Variants in COX7B2 observed in about 807,000 individuals in gnomAD.
The protein encoded by COX7B2 is cytochrome c oxidase subunit 7B2, mitochondrial.
For synonymous variants in COX7B2, 37 were observed against 32.1 expected, an observed-to-expected ratio of 1.15 and a Z score of -0.51; for missense variants, 109 against 95.9, an observed-to-expected ratio of 1.14 and a Z score of -0.57.
At chr4:46,768,304 G>A (rs1338068187) in intron 2 of COX7B2, among the ~76,000 whole-genome samples, 1 of 152,150 alleles carries the variant, frequency 6.6e-6, no homozygotes, top group Non-Finnish European at 1.5e-5. Context: ...GTCTTCCCCT[G>A]GAGTTCAGCC....
intron 2 of COX7B2, among the ~76,000 whole-genome samples, chr4:46,758,330 G>C (rs1462770724): frequency 6.6e-6 from 1 of 152,066 alleles, no homozygotes; most frequent in Non-Finnish European, 1.5e-5. Flanking sequence ...GGTTGACATG[G>C]CTCTTCAAAA....
intron 2 of COX7B2, among the ~76,000 whole-genome samples, chr4:46,795,017 ATGTC>A (rs1202171364): frequency 0.03 from 4,456 of 148,796 alleles, 258 homozygotes; most frequent in African/African-American, 0.098. Context: ...GTGTCTGTTC[ATGTC>A]CTTCGCCCAC....
At chr4:46,806,458 ATAT>A (rs1718999690) in intron 2 of COX7B2, among the ~76,000 whole-genome samples, 1 of 152,026 alleles carries the variant, frequency 6.6e-6, no homozygotes, top group Non-Finnish European at 1.5e-5. Context: ...ATATAATATG[ATAT>A]TATGAGGCTA....
chr4:46,901,372 C>T (rs570986323), intron 1 of COX7B2, among the ~76,000 whole-genome samples: 16 of 152,346 alleles, frequency 1.1e-4, no homozygotes, highest in Admixed American at 1.0e-3. Context: ...AGGCTTCCCA[C>T]TCTGATCGAG....
intron 2 of COX7B2, among the ~76,000 whole-genome samples, chr4:46,828,523 G>A (rs1714845411): frequency 1.3e-5 from 2 of 152,074 alleles, no homozygotes; most frequent in African/African-American, 4.8e-5. Flanking sequence ...AAAATTATAT[G>A]TGCAAGTAAA....
chr4:46,826,701 T>C (rs1184015905), intron 2 of COX7B2, among the ~76,000 whole-genome samples: 8 of 152,092 alleles, frequency 5.3e-5, no homozygotes, highest in South Asian at 2.1e-4. Flanking sequence ...TGAGATCATG[T>C]TTTTTGTGGG....
chr4:46,905,149 C>T (rs1206448849), intron 1 of COX7B2, among the ~76,000 whole-genome samples: 2 of 142,190 alleles, frequency 1.4e-5, no homozygotes, highest in Non-Finnish European at 3.2e-5. Flanking sequence ...AAGTATTATA[C>T]AAGTTTTTTT....
chr4:46,792,233 C>A (rs1219040143), intron 2 of COX7B2, among the ~76,000 whole-genome samples: 1 of 152,162 alleles, frequency 6.6e-6, no homozygotes, highest in Non-Finnish European at 1.5e-5. Context: ...ATATATTGAA[C>A]CTGGAATTCT....
At position 46,752,404 on chromosome 4, in the gene COX7B2, C is replaced by T. The variant is rs530677334; in HGVS notation, c.-49-17163G>A. On this transcript the variant is annotated intron_variant, in intron 2 of 2. Transcript: ENST00000355591. Reference sequence around the variant, plus strand: ...CTTCCTCTTTTCCTAATTGAATACTCTTTATTTCTTTCTCCTGCCTGATTA... The same window carrying T: ...CTTCCTCTTTTCCTAATTGAATACTTTTTATTTCTTTCTCCTGCCTGATTA... Among the ~76,000 whole-genome samples, 28 of 152,148 alleles carry T rather than the reference C, an allele frequency of 1.8e-4. 1 individual carries two copies. The highest frequency in any genetic ancestry group is 1.2e-3 in the Admixed American group (19 of 15,248).
At chr4:46,803,561 TA>T (rs1273824830) in intron 2 of COX7B2, among the ~76,000 whole-genome samples, 1 of 152,094 alleles carries the variant, frequency 6.6e-6, no homozygotes, top group African/African-American at 2.4e-5. Context: ...ACTATGTAAT[TA>T]TATGCTTACA....
At chr4:46,818,647 A>AAG (rs1714027128) in intron 2 of COX7B2, among the ~76,000 whole-genome samples, 2 of 152,058 alleles carry the variant, frequency 1.3e-5, no homozygotes, top group African/African-American at 4.8e-5. Context: ...AAAAAAAAAA[A>AAG]AAAGAAAGAA....
At chr4:46,838,853 T>C (rs920452995) in intron 2 of COX7B2, among the ~76,000 whole-genome samples, 2 of 152,016 alleles carry the variant, frequency 1.3e-5, no homozygotes, top group African/African-American at 2.4e-5. Flanking sequence ...ATAGAAATTT[T>C]ATTCCAGATT....
chr4:46,767,790 TA>T (rs1234751469), intron 2 of COX7B2, among the ~76,000 whole-genome samples: 2 of 151,980 alleles, frequency 1.3e-5, no homozygotes, highest in African/African-American at 2.4e-5. Flanking sequence ...CAATGGAGAC[TA>T]AAAAAAACAA....
chr4:46,745,624 T>C (rs370274430), intron 2 of COX7B2, among the ~76,000 whole-genome samples: 2 of 152,190 alleles, frequency 1.3e-5, no homozygotes, highest in East Asian at 3.8e-4. Context: ...TGATTTTTTT[T>C]TCCTTCTTGT....
chr4:46,790,635 A>G (rs1167088797), intron 2 of COX7B2, among the ~76,000 whole-genome samples: 2 of 152,128 alleles, frequency 1.3e-5, no homozygotes, highest in Non-Finnish European at 2.9e-5. Flanking sequence ...AATTCTAATT[A>G]TTTTTAGCCT....
At chr4:46,855,790 T>C (rs1364464833) in intron 1 of COX7B2, among the ~76,000 whole-genome samples, 3 of 152,188 alleles carry the variant, frequency 2.0e-5, no homozygotes, top group Admixed American at 1.3e-4. Flanking sequence ...TGTTTAAGTA[T>C]TTAAATACAT....
chr4:46,881,643 C>T (rs2109849066), intron 1 of COX7B2, among the ~76,000 whole-genome samples: 1 of 152,012 alleles, frequency 6.6e-6, no homozygotes, highest in South Asian at 2.1e-4. Context: ...GTGGAGTGCA[C>T]CTGTAATTCC....
chr4:46,864,644 T>TTTGTTTG (rs1553895061), intron 1 of COX7B2, among the ~76,000 whole-genome samples: 5 of 149,250 alleles, frequency 3.4e-5, no homozygotes, highest in African/African-American at 1.2e-4. Context: ...CAGAGTTGTT[T>TTTGTTTG]TTTGTTTGTT....
intron 1 of COX7B2, among the ~76,000 whole-genome samples, chr4:46,894,872 G>A (rs536410789): frequency 6.6e-6 from 1 of 152,292 alleles, no homozygotes; most frequent in African/African-American, 2.4e-5. Context: ...CAAGAAGTAT[G>A]TGAAAGAAAG....
Sources: allele counts gnomAD v4.1 joint callset (sites outside exome capture counted in the v4.1 genomes callset), GRCh38; gene constraint gnomAD v4.1.1; transcripts MANE v1.5; gene names NCBI Gene and HGNC (gene_info 2026-07-23, HGNC 2026-07-21).